The following GREM2 variants were observed in gnomAD, a reference collection of about 807,000 sequenced individuals.
GREM2 encodes the protein gremlin 2, DAN family BMP antagonist.
GREM2 carries 11 observed loss-of-function variants against 14.2 expected under a neutral mutation model. That is an observed-to-expected ratio of 0.78 (90% CI 0.49 to 1.28). The LOEUF is 1.28. Among genes scored for constraint, GREM2 ranks in the 50% most tolerant of loss-of-function variants. The pLI, the probability that GREM2 is intolerant of heterozygous loss-of-function variation, is 0.00. For synonymous variants in GREM2, 98 were observed against 97.6 expected, an observed-to-expected ratio of 1.00 and a Z score of -0.02; for missense variants, 210 against 218.5, an observed-to-expected ratio of 0.96 and a Z score of 0.24.
At chr1:240,545,353 C>T (rs1489485630) in intron 1 of GREM2, among the ~76,000 whole-genome samples, 4 of 152,222 alleles carry the variant, frequency 2.6e-5, no homozygotes, top group East Asian at 3.9e-4. Flanking sequence ...GGAAGCTCCA[C>T]GCCTCTTCGT....
intron 1 of GREM2, among the ~76,000 whole-genome samples, chr1:240,583,595 ACTCAT>A (rs1679532693): frequency 1.4e-5 from 2 of 140,780 alleles, no homozygotes; most frequent in Non-Finnish European, 3.0e-5. Flanking sequence ...CCTTCATCTT[ACTCAT>A]CTCTATCTTT....
intron 1 of GREM2, among the ~76,000 whole-genome samples, chr1:240,497,432 G>A (rs1677452363): frequency 6.6e-6 from 1 of 151,894 alleles, no homozygotes; most frequent in African/African-American, 2.4e-5. Flanking sequence ...GGGATCCAAT[G>A]GCCACAAAGT....
Position 240,597,046 on chromosome 1 carries a change from C to T in GREM2, c.-2+14838G>A, listed in dbSNP as rs777704803. On this transcript the variant is annotated intron_variant, in intron 1 of 1. Transcript: ENST00000318160. ...CCAGTGCCAGATAGGAAACCAGAAACGGAGTATTACTACTCTACTGTGGCG... is the reference window on the plus strand; with the variant it reads ...CCAGTGCCAGATAGGAAACCAGAAATGGAGTATTACTACTCTACTGTGGCG... Among the ~76,000 whole-genome samples, 21 of 152,280 alleles carry T rather than the reference C, an allele frequency of 1.4e-4. 1 individual carries two copies. Among genetic ancestry groups the T allele is most frequent in the South Asian group, 2.1e-4 (1 of 4,826 alleles).
chr1:240,492,023 T>A lies in GREM2; in HGVS notation c.*946A>T. On this transcript the variant is annotated 3_prime_UTR_variant, in exon 2 of 2. Transcript: ENST00000318160. ...ATTGCTGACCAGGCATTTTTTTTTC[T>A]GAGTAAGACACCTTCTGGGCCTGCT... is the stretch of plus-strand genomic sequence containing the variant. 1 of 180,806 alleles carries A rather than the reference T, an allele frequency of 5.5e-6. No individual in the cohort carries two copies. The highest frequency in any genetic ancestry group is 1.2e-5 in the Non-Finnish European group (1 of 82,180). 11.2% of individuals were successfully genotyped at this position (180,806 alleles called of 1,614,324 possible).
Position 240,520,397 on chromosome 1 carries a change from G to A in GREM2, c.-1-26921C>T, listed in dbSNP as rs60923627. On this transcript the variant is annotated intron_variant, in intron 1 of 1. Transcript: ENST00000318160. ...CTTTACTGTCTCTTTTCACAAAATG[G>A]TCATGGCTGAATGAGGCTTTGGGAC... 4.8e-3 allele frequency among the ~76,000 whole-genome samples: 733 copies of A among 152,272 alleles called. 5 individuals are homozygous for A. Among genetic ancestry groups the A allele is most frequent in the African/African-American group, 0.017 (692 of 41,556 alleles).
intron 1 of GREM2, among the ~76,000 whole-genome samples, chr1:240,519,897 A>G (rs1445632207): frequency 6.6e-6 from 1 of 152,140 alleles, no homozygotes; most frequent in African/African-American, 2.4e-5. Context: ...CCTGACCAAC[A>G]TGGAGAAATC....
At chr1:240,505,903 G>A (rs1677666508) in intron 1 of GREM2, among the ~76,000 whole-genome samples, 1 of 151,922 alleles carries the variant, frequency 6.6e-6, no homozygotes, top group African/African-American at 2.4e-5. Context: ...TTCTTAAAAA[G>A]TGTATAATAG....
At chr1:240,607,370 A>G (rs1680048207) in intron 1 of GREM2, among the ~76,000 whole-genome samples, 1 of 152,168 alleles carries the variant, frequency 6.6e-6, no homozygotes, top group Non-Finnish European at 1.5e-5. Flanking sequence ...TCTAGGTCAA[A>G]AAAAGTCTTA....
chr1:240,545,499 T>C (rs1678698401), intron 1 of GREM2, among the ~76,000 whole-genome samples: 1 of 43,508 alleles, frequency 2.3e-5, no homozygotes, highest in Non-Finnish European at 3.9e-5. Flanking sequence ...ATTGTACAAA[T>C]TGTACAAATT....
At chr1:240,511,759 T>G (rs1677838807) in intron 1 of GREM2, among the ~76,000 whole-genome samples, 1 of 151,860 alleles carries the variant, frequency 6.6e-6, no homozygotes. Context: ...AGACTCCATC[T>G]CAAAGAAAAA....
intron 1 of GREM2, among the ~76,000 whole-genome samples, chr1:240,526,685 G>T (rs780999512): frequency 1.3e-5 from 2 of 152,194 alleles, no homozygotes; most frequent in East Asian, 1.9e-4. Context: ...TTACGTGGAC[G>T]TGTCTTCAAG....
At chr1:240,510,108 G>GCCTGTAATC (rs1677773035) in intron 1 of GREM2, among the ~76,000 whole-genome samples, 1 of 152,202 alleles carries the variant, frequency 6.6e-6, no homozygotes, top group African/African-American at 2.4e-5. Context: ...GGTGGCTCAC[G>GCCTGTAATC]CCTGTAATCC....
At chr1:240,495,307 T>C (rs1033922460) in intron 1 of GREM2, among the ~76,000 whole-genome samples, 15 of 152,228 alleles carry the variant, frequency 9.9e-5, no homozygotes, top group African/African-American at 3.6e-4. Flanking sequence ...CCCATTCTTT[T>C]AACATGTATA....
At chr1:240,528,735 G>A (rs559237966) in intron 1 of GREM2, among the ~76,000 whole-genome samples, 51 of 152,264 alleles carry the variant, frequency 3.3e-4, no homozygotes, top group Admixed American at 1.8e-3. Context: ...AGTTGCAGCC[G>A]TACCAAGGCC....
At chr1:240,582,243 C>T (rs1572409611) in intron 1 of GREM2, among the ~76,000 whole-genome samples, 1 of 152,166 alleles carries the variant, frequency 6.6e-6, no homozygotes, top group African/African-American at 2.4e-5. Context: ...CAAGACCATC[C>T]TGGCCAACAT....
At chr1:240,607,301 C>G (rs1490617444) in intron 1 of GREM2, among the ~76,000 whole-genome samples, 2 of 151,968 alleles carry the variant, frequency 1.3e-5, no homozygotes, top group East Asian at 3.9e-4. Context: ...GGTGCAAACC[C>G]AGGTCTCCTG....
intron 1 of GREM2, among the ~76,000 whole-genome samples, chr1:240,532,628 A>G (rs1678385322): frequency 6.7e-6 from 1 of 148,252 alleles, no homozygotes; most frequent in Non-Finnish European, 1.5e-5. Context: ...ACCACTTTAT[A>G]TAAGAGATAT....
chr1:240,498,973 G>A (rs973633413), intron 1 of GREM2, among the ~76,000 whole-genome samples: 2 of 152,214 alleles, frequency 1.3e-5, no homozygotes, highest in Admixed American at 6.5e-5. Context: ...GGTAGTGGAA[G>A]TGCTTTCCTT....
chr1:240,598,895 C>T lies in GREM2; in HGVS notation c.-2+12989G>A, dbSNP rs560875910. 1.5e-4 allele frequency among the ~76,000 whole-genome samples: 23 copies of T among 152,256 alleles called. No individual in the cohort carries two copies. The East Asian group carries it at 4.1e-3, about 27-fold the overall frequency. ...CTTTCATAGTGCTCTCAAAATACCA[C>T]GGAGAAGAGTGGCTGCACTTTATCC... On this transcript the variant is annotated intron_variant, in intron 1 of 1. Transcript: ENST00000318160.
Sources: allele counts gnomAD v4.1 joint callset (sites outside exome capture counted in the v4.1 genomes callset), GRCh38; gene constraint gnomAD v4.1.1; transcripts MANE v1.5; gene names NCBI Gene and HGNC (gene_info 2026-07-23, HGNC 2026-07-21).